Variants in TDRD12 observed in about 807,000 individuals in gnomAD.
The protein encoded by TDRD12 is tudor domain containing 12.
A neutral mutation model predicts 133.5 loss-of-function variants in TDRD12; 158 were observed. That is an observed-to-expected ratio of 1.18 (90% confidence interval 1.04 to 1.35). The LOEUF (loss-of-function observed/expected upper bound fraction) is 1.35. Among genes scored for constraint, TDRD12 ranks in the 40% most tolerant of loss-of-function variants. TDRD12 has a pLI of 0.00. For synonymous variants in TDRD12, 460 were observed against 477.9 expected (o/e 0.96, Z 0.49); for missense variants, 1,443 against 1,321.3 (o/e 1.09, Z -1.43).
chr19:32,815,763 A>T (rs1245498104), intron 26 of TDRD12, 143 bp downstream of exon 26: 2 of 751,688 alleles, frequency 2.7e-6, no homozygotes, highest in African/African-American at 3.5e-5. Flanking sequence ...TGGGAGGCCA[A>T]GGTGGGCGGC....
chr19:32,768,581 T>C (rs1442667339), intron 8 of TDRD12, among the ~76,000 whole-genome samples: 14 of 152,046 alleles, frequency 9.2e-5, no homozygotes, highest in Non-Finnish European at 1.5e-5. Context: ...GTCAAGCTGG[T>C]CTCAAACTCC....
At chr19:32,801,714 A>G (rs201638444) in intron 18 of TDRD12, 42 bp from the exon 19 acceptor site, 48 of 748,358 alleles carry the variant, frequency 6.4e-5, no homozygotes, top group Middle Eastern at 2.3e-4. Flanking sequence ...CTTCCAGCCT[A>G]TATCCCTGAC....
chr19:32,744,786 T>G (rs1969552155), intron 4 of TDRD12, among the ~76,000 whole-genome samples: 1 of 149,828 alleles, frequency 6.7e-6, no homozygotes, highest in African/African-American at 2.4e-5. Flanking sequence ...CACCCGGTGC[T>G]CCTCCTCTTC....
At chr19:32,806,256 C>G (rs1971544833) in intron 21 of TDRD12, among the ~76,000 whole-genome samples, 1 of 151,788 alleles carries the variant, frequency 6.6e-6, no homozygotes, top group South Asian at 2.1e-4. Context: ...TTAAAGATAA[C>G]TGTTGACATT....
chr19:32,821,409 T>TGTGC (rs764198087), downstream of TDRD12: 31 of 139,230 alleles, frequency 2.2e-4, no homozygotes, highest in African/African-American at 9.0e-4. Context: ...TGTGTGTGTG[T>TGTGC]GCGTGTGAAC....
At chr19:32,802,536 T>G (rs1294836483) in intron 19 of TDRD12, 120 bp from the exon 20 acceptor site, 3 of 1,174,528 alleles carry the variant, frequency 2.6e-6, no homozygotes, top group Non-Finnish European at 3.5e-6. Context: ...GAAGTTTCTT[T>G]GCATCCAAAA....
At chr19:32,746,767 T>C (rs144080173) in intron 4 of TDRD12, among the ~76,000 whole-genome samples, 5,111 of 144,906 alleles carry the variant, frequency 0.035, 35 homozygotes, top group Non-Finnish European at 0.052. Flanking sequence ...GGAGAGAGAC[T>C]GGCTGATGTG....
At position 32,802,776 on chromosome 19, in the gene TDRD12, T is replaced by C. The variant is rs1191468443; in HGVS notation, c.2318T>C (p.Phe773Ser). 4 of 1,536,774 alleles carry C rather than the reference T, an allele frequency of 2.6e-6. No homozygotes were observed. In the East Asian group the frequency reaches 9.8e-5, roughly 38 times the overall value. The change falls in exon 20 of 28, where the codon TTT becomes TCT. Residue 773 changes from phenylalanine (F) to serine (S), a missense_variant. Phe to Ser is a radical substitution (Grantham distance 155, BLOSUM62 -2). Coordinates refer to ENST00000444215, the Ensembl canonical transcript of TDRD12. ...CGCCTGTATTGCATGTCTGATCATTTTCACGCTGAACAGGTTTGGTGAATT... is the reference window on the plus strand; with the variant it reads ...CGCCTGTATTGCATGTCTGATCATTCTCACGCTGAACAGGTTTGGTGAATT...
At position 32,810,080 on chromosome 19, in the gene TDRD12, A is replaced by G. The variant is rs1164207577; in HGVS notation, c.2653-13A>G. On this transcript the variant is annotated splice_polypyrimidine_tract_variant and intron_variant, in intron 22 of 27. Coordinates refer to ENST00000444215, the Ensembl canonical transcript of TDRD12. ...AGTTTGTTTCTTGGTCATGTTTACT[A>G]TATATGTTTCAGATAATACCTTTTT... The G allele has an allele frequency of 6.8e-7, 1 of 1,480,180 alleles. No homozygotes were observed. Among genetic ancestry groups the G allele is most frequent in the Non-Finnish European group, 9.0e-7 (1 of 1,109,070 alleles). 91.7% of individuals were successfully genotyped at this position (1,480,180 alleles called of 1,614,324 possible). A position where few individuals can be genotyped will look rare whatever the true frequency, so the allele number is the denominator to read the frequency against.
chr19:32,741,783 C>T (rs1253183917), intron 3 of TDRD12, among the ~76,000 whole-genome samples: 1 of 151,936 alleles, frequency 6.6e-6, no homozygotes, highest in South Asian at 2.1e-4. Context: ...GGTGGTGGCT[C>T]ACGCCTGTAA....
chr19:32,806,037 G>A (rs980788152), intron 21 of TDRD12, among the ~76,000 whole-genome samples: 5 of 151,436 alleles, frequency 3.3e-5, no homozygotes, highest in East Asian at 3.9e-4. Flanking sequence ...CGGCCTCCAC[G>A]TACATTTTAG....
At chr19:32,753,135 T>C (rs1272909310) in intron 6 of TDRD12, among the ~76,000 whole-genome samples, 1 of 152,176 alleles carries the variant, frequency 6.6e-6, no homozygotes, top group Admixed American at 6.5e-5. Context: ...TTCCTTTTAT[T>C]GAAGAATGAT....
At chr19:32,814,647 A>T (rs1384978931) in intron 25 of TDRD12, among the ~76,000 whole-genome samples, 1 of 152,170 alleles carries the variant, frequency 6.6e-6, no homozygotes, top group African/African-American at 2.4e-5. Context: ...GATTTAAAAG[A>T]GATTGAAGTA....
downstream of TDRD12, among the ~76,000 whole-genome samples, chr19:32,821,921 G>A (rs2145761738): frequency 6.6e-6 from 1 of 152,272 alleles, no homozygotes; most frequent in African/African-American, 2.4e-5. Flanking sequence ...AGACATTTCT[G>A]ACGTGTATGA....
At chr19:32,737,128 C>T (rs1365353601) in intron 2 of TDRD12, among the ~76,000 whole-genome samples, 1 of 152,150 alleles carries the variant, frequency 6.6e-6, no homozygotes, top group Non-Finnish European at 1.5e-5. Flanking sequence ...AATAGTTTCA[C>T]ACCATCATAA....
intron 3 of TDRD12, 118 bp downstream of exon 3, chr19:32,739,110 G>A (rs557055185): frequency 2.9e-4 from 365 of 1,263,094 alleles, no homozygotes; most frequent in Non-Finnish European, 3.5e-4. Flanking sequence ...AGACAAAACT[G>A]GAGTTCTTTA....
intron 2 of TDRD12, among the ~76,000 whole-genome samples, chr19:32,737,099 C>A (rs1310851136): frequency 6.6e-6 from 1 of 152,068 alleles, no homozygotes; most frequent in African/African-American, 2.4e-5. Context: ...TTGAATACTG[C>A]ACATTATGTA....
At chr19:32,807,784 A>G (rs1005310473) in intron 22 of TDRD12, 136 bp downstream of exon 22, 1 of 493,172 alleles carries the variant, frequency 2.0e-6, no homozygotes, top group African/African-American at 2.0e-5. Flanking sequence ...CATTAGTGCA[A>G]CCAGAGGCAC....
chr19:32,745,072 C>T (rs974554447), intron 4 of TDRD12, among the ~76,000 whole-genome samples: 4 of 151,498 alleles, frequency 2.6e-5, no homozygotes, highest in African/African-American at 9.8e-5. Context: ...CTCCAGCCAG[C>T]CCCCCCCACT....
Sources: allele counts gnomAD v4.1 joint callset (sites outside exome capture counted in the v4.1 genomes callset), GRCh38; gene constraint gnomAD v4.1.1; transcripts MANE v1.5; gene names NCBI Gene and HGNC (gene_info 2026-07-23, HGNC 2026-07-21).